LIN52: variants seen among roughly 807,000 people sequenced by gnomAD.
LIN52 encodes protein lin-52 homolog.
In LIN52, 4 loss-of-function variants were observed where a neutral mutation model predicts 18.5. The ratio of observed to expected loss-of-function variants is 0.22; its 90% CI spans 0.11 to 0.49. LIN52 has a LOEUF of 0.49. LIN52 is among the 20% of genes least tolerant of loss of function. The pLI is 0.97. For synonymous variants in LIN52, 34 were observed against 45.5 expected, an observed-to-expected ratio of 0.75 and a Z score of 1.02; for missense variants, 102 against 139.5, an observed-to-expected ratio of 0.73 and a Z score of 1.35.
chr14:74,186,054 C>T (rs1275644112), intron 5 of LIN52, among the ~76,000 whole-genome samples: 7 of 152,204 alleles, frequency 4.6e-5, no homozygotes, highest in South Asian at 2.1e-4. Context: ...TTTGGGAAGC[C>T]GAGGTGGCTG....
intron 5 of LIN52, among the ~76,000 whole-genome samples, chr14:74,124,616 G>A (rs1251179588): frequency 2.0e-5 from 3 of 151,968 alleles, no homozygotes; most frequent in African/African-American, 7.3e-5. Flanking sequence ...TTTGAGACCA[G>A]CCTGGGCAAC....
rs2060801236 is a variant in LIN52 at position 74,095,159 on chromosome 14, T to TTTTTTG, written c.95-784_95-783insGTTTTT. On this transcript the variant is annotated intron_variant, in intron 2 of 5. Transcript: ENST00000555028. ...CATGCCCAACTAACTGTTTTTTTTT[T>TTTTTTG]TTTTTTTTTTGAGACAGGGTCTTCC... is the stretch of plus-strand genomic sequence containing the variant. Among the ~76,000 whole-genome samples, 3 of 149,152 alleles carry TTTTTTG rather than the reference T, an allele frequency of 2.0e-5. No individual in the cohort carries two copies. In the South Asian group the frequency reaches 6.7e-4, roughly 33 times the overall value.
intron 5 of LIN52, among the ~76,000 whole-genome samples, chr14:74,134,895 T>A (rs942169422): frequency 7.2e-5 from 11 of 152,222 alleles, no homozygotes; most frequent in Admixed American, 2.0e-4. Flanking sequence ...AGTGTTTTCT[T>A]CCTTATAGTA....
intron 5 of LIN52, among the ~76,000 whole-genome samples, chr14:74,106,311 C>T (rs903183524): frequency 8.5e-5 from 13 of 152,168 alleles, no homozygotes; most frequent in Non-Finnish European, 1.6e-4. Context: ...GGTCTCTCAT[C>T]CAGGCTGGAG....
chr14:74,198,638 T>C (rs1364223574), intron 5 of LIN52, among the ~76,000 whole-genome samples: 1 of 152,232 alleles, frequency 6.6e-6, no homozygotes, highest in Non-Finnish European at 1.5e-5. Context: ...AGATAGGTTT[T>C]GGGGGAATCC....
intron 5 of LIN52, among the ~76,000 whole-genome samples, chr14:74,197,535 T>C (rs999111335): frequency 6.6e-6 from 1 of 152,184 alleles, no homozygotes; most frequent in Non-Finnish European, 1.5e-5. Context: ...AGTAATTGCA[T>C]GCAAGTCTTA....
intron 5 of LIN52, among the ~76,000 whole-genome samples, chr14:74,177,070 C>G (rs1190334004): frequency 1.3e-5 from 2 of 151,864 alleles, no homozygotes; most frequent in Admixed American, 6.6e-5. Context: ...GCGATCTCGG[C>G]TCACTGCAAC....
rs1280080585 is a variant in LIN52 at position 74,164,571 on chromosome 14, C to G, written c.284-34351C>G. Among the ~76,000 whole-genome samples the G allele has an allele frequency of 2.0e-5, 3 of 152,188 alleles. No homozygotes were observed. In the East Asian group the frequency reaches 5.8e-4, roughly 29 times the overall value. On this transcript the variant is annotated intron_variant, in intron 5 of 5. Transcript: ENST00000555028. ...AAAGTGCTGGGATTACAGGTGTGAG[C>G]CACCATGCCCGGCCTGCACTGAAAA...
chr14:74,122,986 T>G (rs1318855399), intron 5 of LIN52, among the ~76,000 whole-genome samples: 1 of 152,200 alleles, frequency 6.6e-6, no homozygotes, highest in African/African-American at 2.4e-5. Flanking sequence ...ACTTTGAGAT[T>G]TGTTGCCTTA....
intron 5 of LIN52, among the ~76,000 whole-genome samples, chr14:74,158,117 A>T (rs1265307020): frequency 6.4e-5 from 4 of 62,670 alleles, no homozygotes; most frequent in East Asian, 3.4e-4. Flanking sequence ...ATATATATAT[A>T]TATATATATT....
At position 74,182,792 on chromosome 14, in the gene LIN52, C is replaced by T. The variant is rs928055792; in HGVS notation, c.284-16130C>T. On this transcript the variant is annotated intron_variant, in intron 5 of 5. Transcript: ENST00000555028. ...AGTAACCAAGGACTCTTTCTCTCCACTTGCCAGCAAATTTTGTAGAAGCAA... is the reference window on the plus strand; with the variant it reads ...AGTAACCAAGGACTCTTTCTCTCCATTTGCCAGCAAATTTTGTAGAAGCAA... 3.3e-5 allele frequency among the ~76,000 whole-genome samples: 5 copies of T among 152,190 alleles called. 1 individual carries two copies. Among genetic ancestry groups the T allele is most frequent in the African/African-American group, 1.2e-4 (5 of 41,452 alleles).
At chr14:74,140,194 TA>T (rs1704039990) in intron 5 of LIN52, among the ~76,000 whole-genome samples, 1 of 152,210 alleles carries the variant, frequency 6.6e-6, no homozygotes, top group Non-Finnish European at 1.5e-5. Context: ...AGCAGCATTT[TA>T]CTCTTAGTAT....
intron 1 of LIN52, among the ~76,000 whole-genome samples, chr14:74,088,343 G>A (rs947265751): frequency 4.0e-5 from 6 of 151,750 alleles, no homozygotes; most frequent in African/African-American, 9.7e-5. Context: ...CACTCACCTC[G>A]GCCTCCCAAA....
intron 5 of LIN52, among the ~76,000 whole-genome samples, chr14:74,105,433 G>A (rs1456979807): frequency 6.6e-6 from 1 of 152,088 alleles, no homozygotes; most frequent in Non-Finnish European, 1.5e-5. Context: ...ACTGATTGCC[G>A]TTTTCCTTGA....
intron 5 of LIN52, among the ~76,000 whole-genome samples, chr14:74,102,793 T>C (rs555230476): frequency 4.9e-4 from 75 of 152,232 alleles, no homozygotes; most frequent in Non-Finnish European, 9.4e-4. Context: ...TATCTATAGT[T>C]ATAGCTGAAA....
intron 5 of LIN52, chr14:74,114,344 A>G (rs1026420943): frequency 7.0e-5 from 69 of 985,360 alleles, no homozygotes; most frequent in Middle Eastern, 1.0e-3. Flanking sequence ...CACAGGATAG[A>G]GTAGGATGGT....
intron 5 of LIN52, among the ~76,000 whole-genome samples, chr14:74,167,132 T>TTA (rs1555384219): frequency 2.0e-5 from 3 of 149,652 alleles, no homozygotes; most frequent in Non-Finnish European, 4.5e-5. Flanking sequence ...TTTTTTTTTT[T>TTA]AGAAAAAGAA....
intron 5 of LIN52, among the ~76,000 whole-genome samples, chr14:74,181,579 A>G (rs1405175064): frequency 2.6e-5 from 4 of 152,278 alleles, no homozygotes; most frequent in East Asian, 1.9e-4. Context: ...TCATTGAAAT[A>G]GTATTCTTTC....
intron 5 of LIN52, among the ~76,000 whole-genome samples, chr14:74,130,278 G>GTTTGTTTTTTTT (rs1555382571): frequency 4.2e-4 from 27 of 64,816 alleles, no homozygotes; most frequent in African/African-American, 1.7e-3. Context: ...GCATTTTTTG[G>GTTTGTTTTTTTT]TTTTTTTTTT....
Sources: gnomAD v4.1 joint callset for allele counts (sites outside exome capture counted in the v4.1 genomes callset) on GRCh38, gnomAD v4.1.1 for gene constraint, MANE v1.5 for transcripts, NCBI Gene and HGNC (gene_info 2026-07-23, HGNC 2026-07-21) for gene names.